EIF2S3: variants seen among roughly 807,000 people sequenced by gnomAD.
EIF2S3 encodes the protein eukaryotic translation initiation factor 2 subunit 3.
Under a neutral mutation model 31.7 loss-of-function variants are expected in EIF2S3, and 2 were observed. The observed-to-expected ratio is 0.06, with a 90% CI of 0.03 to 0.20. The LOEUF is 0.20. Among genes scored for constraint, EIF2S3 ranks in the 10% least tolerant of loss-of-function variants. The pLI is 1.00. For synonymous variants in EIF2S3, 120 were observed against 126.7 expected (o/e 0.95, Z 0.36); for missense variants, 96 against 359.3 (o/e 0.27, Z 5.92).
chrX:24,060,699 C>T (rs866263530), intron 5 of EIF2S3, among the ~76,000 whole-genome samples: 4 of 110,262 alleles, frequency 3.6e-5, no homozygotes, highest in East Asian at 2.8e-4. Context: ...CGGTGGCTCA[C>T]GCCTGTAATC....
intron 11 of EIF2S3, among the ~76,000 whole-genome samples, chrX:24,075,642 T>C (rs1930742626): frequency 8.9e-6 from 1 of 111,960 alleles, no homozygotes; most frequent in Admixed American, 9.6e-5. Flanking sequence ...TCCTTCTGCA[T>C]TGTCTTATAT....
chrX:24,068,136 A>G (rs753690827), intron 9 of EIF2S3, 28 bp downstream of exon 9: 14 of 1,143,908 alleles, frequency 1.2e-5, no homozygotes, highest in Middle Eastern at 2.4e-4. Context: ...ATCTCTTTTA[A>G]TTTGTGGCTA....
At chrX:24,055,093 C>T (rs1930380106) in intron 1 of EIF2S3, 56 bp downstream of exon 1, 1 of 1,155,044 alleles carries the variant, frequency 8.7e-7, no homozygotes, top group African/African-American at 1.8e-5. Flanking sequence ...GGTGACCGAG[C>T]CTCCCGGTGG....
intron 11 of EIF2S3, 29 bp downstream of exon 11, chrX:24,073,292 A>G: frequency 8.3e-7 from 1 of 1,205,913 alleles, no homozygotes; most frequent in Non-Finnish European, 1.1e-6. Flanking sequence ...GCCACTGTCT[A>G]ATTAAAAAAA....
chrX:24,073,855 G>GT (rs1324260036), intron 11 of EIF2S3, among the ~76,000 whole-genome samples: 3 of 112,058 alleles, frequency 2.7e-5, no homozygotes, highest in East Asian at 5.6e-4. Flanking sequence ...TAGAAAAATT[G>GT]TAAGAGTTTT....
intron 11 of EIF2S3, chrX:24,073,499 T>C (rs1050651003): frequency 8.0e-6 from 2 of 251,382 alleles, no homozygotes; most frequent in Admixed American, 1.3e-4. Context: ...AAGACCATCC[T>C]GGCTAACATG....
intron 5 of EIF2S3, chrX:24,060,496 A>G (rs1048985946): frequency 1.0e-5 from 3 of 295,929 alleles, no homozygotes; most frequent in African/African-American, 5.3e-5. Flanking sequence ...GTGTAAAACT[A>G]TTTGTGTTAT....
intron 7 of EIF2S3, among the ~76,000 whole-genome samples, chrX:24,065,726 A>G (rs1930562046): frequency 1.8e-5 from 2 of 112,268 alleles, no homozygotes; most frequent in African/African-American, 3.2e-5. Flanking sequence ...CTTCCAGATC[A>G]TTACATATAG....
At chrX:24,058,422 AT>A (rs1930436053) in intron 4 of EIF2S3, among the ~76,000 whole-genome samples, 1 of 110,288 alleles carries the variant, frequency 9.1e-6, no homozygotes, top group South Asian at 3.7e-4. Context: ...CTATTACTAA[AT>A]TTTTTTCCCC....
At chrX:24,061,275 A>AC (rs1285514778) in intron 5 of EIF2S3, among the ~76,000 whole-genome samples, 57 of 79,059 alleles carry the variant, frequency 7.2e-4, no homozygotes, top group South Asian at 1.2e-3. Context: ...AAAAAAAAAA[A>AC]GCTGGGTGCG....
At position 24,058,207 on chromosome X, in the gene EIF2S3, C is replaced by T. The variant is rs771033344; in HGVS notation, c.383+453C>T. On this transcript the variant is annotated intron_variant, in intron 4 of 11. Transcript: ENST00000253039. ...GTGATGTTTATGGGGATTGGAGATG[C>T]CCTACAAGGAATGTTTAGATTGGGG... Among the ~76,000 whole-genome samples, 37 of 111,814 alleles carry T rather than the reference C, an allele frequency of 3.3e-4. No homozygotes were observed. In the Admixed American group the frequency reaches 3.5e-3, roughly 11 times the overall value.
At position 24,078,535 on chromosome X, in the gene EIF2S3, G is replaced by C. The variant is rs1415780465; in HGVS notation, c.*1750G>C. On this transcript the variant is annotated 3_prime_UTR_variant, in exon 12 of 12. Transcript: ENST00000253039. Reference sequence around the variant, plus strand: ...TGTTGAGAAACAAATTTAGAGAGTTGAGAAGTAGGTATATTAAATTACAGA... The same window carrying C: ...TGTTGAGAAACAAATTTAGAGAGTTCAGAAGTAGGTATATTAAATTACAGA... 4.5e-5 allele frequency among the ~76,000 whole-genome samples: 5 copies of C among 111,840 alleles called. No individual in the cohort carries two copies. The highest frequency in any genetic ancestry group is 1.6e-4 in the African/African-American group (5 of 30,847).
Position 24,077,627 on chromosome X carries a change from A to G in EIF2S3, c.*842A>G, listed in dbSNP as rs1234445068. The G allele has an allele frequency of 2.7e-5, 3 of 111,639 alleles. No homozygotes were observed. The highest frequency in any genetic ancestry group is 6.5e-5 in the African/African-American group (2 of 30,709). 9.2% of individuals were successfully genotyped at this position (111,639 alleles called of 1,213,427 possible). A position where few individuals can be genotyped will look rare whatever the true frequency, so the allele number is the denominator to read the frequency against. On this transcript the variant is annotated 3_prime_UTR_variant, in exon 12 of 12. Coordinates refer to ENST00000253039, the MANE Select transcript of EIF2S3 (RefSeq NM_001415.4). Reference sequence around the variant, plus strand: ...CATGAAAAGGAAATGAATGGATTCGAATGAAATTGTCCTTTAGAGCATGAT... The same window carrying G: ...CATGAAAAGGAAATGAATGGATTCGGATGAAATTGTCCTTTAGAGCATGAT...
Position 24,074,426 on chromosome X carries a change from T to C in EIF2S3, c.1355+1163T>C, listed in dbSNP as rs1396540419. ...AGTTTTGACTATGTAGTCAAGATGTTGTCCAGCTTCTCTGCTGTGTAGTTA... is the reference window on the plus strand; with the variant it reads ...AGTTTTGACTATGTAGTCAAGATGTCGTCCAGCTTCTCTGCTGTGTAGTTA... On this transcript the variant is annotated intron_variant, in intron 11 of 11. Transcript: ENST00000253039. Among the ~76,000 whole-genome samples, 4 of 112,062 alleles carry C rather than the reference T, an allele frequency of 3.6e-5. No individual in the cohort carries two copies. In the Admixed American group the frequency reaches 3.8e-4, roughly 11 times the overall value.
At chrX:24,060,632 G>C (rs762224123) in intron 5 of EIF2S3, among the ~76,000 whole-genome samples, 1 of 110,882 alleles carries the variant, frequency 9.0e-6, no homozygotes, top group Admixed American at 9.8e-5. Context: ...TGTTTCTTAT[G>C]TTAGCTGTTG....
chrX:24,073,506 C>T (rs1930703389), intron 11 of EIF2S3: 1 of 241,166 alleles, frequency 4.1e-6, no homozygotes, highest in Admixed American at 6.3e-5. Flanking sequence ...TCCTGGCTAA[C>T]ATGGTGAAAC....
intron 5 of EIF2S3, 92 bp downstream of exon 5, chrX:24,060,274 T>C: frequency 2.6e-6 from 2 of 761,954 alleles, no homozygotes; most frequent in Non-Finnish European, 4.0e-6. Flanking sequence ...AAGGATCATA[T>C]CTATTACCTA....
intron 10 of EIF2S3, 146 bp downstream of exon 10, chrX:24,071,873 T>G (rs944228575): frequency 5.1e-5 from 11 of 215,429 alleles, no homozygotes; most frequent in South Asian, 1.5e-4. Flanking sequence ...AAATTGAGGG[T>G]TTTTTTTTTT....
intron 6 of EIF2S3, 22 bp from the exon 7 acceptor site, chrX:24,064,179 C>T (rs781662496): frequency 1.8e-6 from 2 of 1,111,376 alleles, no homozygotes; most frequent in East Asian, 6.5e-5. Flanking sequence ...TAATTTTGAT[C>T]TTTCTAAATT....
Sources: gnomAD v4.1 joint callset for allele counts (sites outside exome capture counted in the v4.1 genomes callset) on GRCh38, gnomAD v4.1.1 for gene constraint, MANE v1.5 for transcripts, NCBI Gene and HGNC (gene_info 2026-07-23, HGNC 2026-07-21) for gene names.